Variants in ASPA observed in about 807,000 individuals in gnomAD.
ASPA encodes ACY-2.
A neutral mutation model predicts 29.6 loss-of-function variants in ASPA; 25 were observed. The observed-to-expected ratio is 0.85, with a 90% CI of 0.62 to 1.18. The LOEUF (loss-of-function observed/expected upper bound fraction) is 1.18. ASPA is among the 50% of genes most tolerant of loss of function. ASPA has a pLI of 0.00. For synonymous variants in ASPA, 131 were observed against 130.3 expected (o/e 1.01, Z -0.04); for missense variants, 333 against 385.7 (o/e 0.86, Z 1.14).
intron 5 of ASPA, among the ~76,000 whole-genome samples, chr17:3,496,869 A>G (rs943781789): frequency 1.3e-5 from 2 of 152,160 alleles, no homozygotes; most frequent in African/African-American, 4.8e-5. Context: ...GATCGAGACC[A>G]TCCTGGCTAA....
chr17:3,489,808 C>T (rs2073792000), intron 4 of ASPA, among the ~76,000 whole-genome samples: 1 of 152,302 alleles, frequency 6.6e-6, no homozygotes, highest in Admixed American at 6.5e-5. Context: ...GATAATCTTA[C>T]AGCATCCACT....
chr17:3,495,761 G>T (rs1236294583), intron 5 of ASPA, among the ~76,000 whole-genome samples: 2 of 152,060 alleles, frequency 1.3e-5, no homozygotes, highest in Non-Finnish European at 2.9e-5. Context: ...TGGAGATGGG[G>T]TTTCACCATG....
At chr17:3,482,492 G>C (rs2150747532) in intron 2 of ASPA, among the ~76,000 whole-genome samples, 1 of 152,254 alleles carries the variant, frequency 6.6e-6, no homozygotes. Context: ...TGATTGAGAG[G>C]AAAGAGTGTG....
At chr17:3,482,258 T>G (rs939342243) in intron 2 of ASPA, among the ~76,000 whole-genome samples, 4 of 152,210 alleles carry the variant, frequency 2.6e-5, no homozygotes, top group Admixed American at 1.3e-4. Context: ...TAACGTAGAC[T>G]AAAGCCCAGT....
rs2150767303 is a variant in ASPA, at chr17:3,502,456, T to C, written c.*3368T>C. 1 of 152,342 alleles carries C rather than the reference T, an allele frequency of 6.6e-6. No individual in the cohort carries two copies. Among genetic ancestry groups the C allele is most frequent in the African/African-American group, 2.4e-5 (1 of 41,582 alleles). The allele number at this position is 152,342 out of a possible 1,614,324, so 9.4% of individuals were successfully genotyped here. A position where few individuals can be genotyped will look rare whatever the true frequency, so the allele number is the denominator to read the frequency against. ...AATGAGTTGTGCAGAATTGCTATTT[T>C]TTTCAATTTTTATATTTGGGTTAAT... On this transcript the variant is annotated 3_prime_UTR_variant, in exon 6 of 6. Coordinates refer to ENST00000263080, the MANE Select transcript of ASPA (RefSeq NM_000049.4).
At chr17:3,482,227 G>A (rs953053269) in intron 2 of ASPA, among the ~76,000 whole-genome samples, 2 of 152,062 alleles carry the variant, frequency 1.3e-5, no homozygotes, top group African/African-American at 2.4e-5. Flanking sequence ...AAGGTTTTAG[G>A]AAACTTAAGA....
rs1555541510 is a variant in ASPA, at chr17:3,500,500, C to CTTGT, written c.*1415_*1418dup. On this transcript the variant is annotated 3_prime_UTR_variant, in exon 6 of 6. Transcript: ENST00000263080. ...TAACTGTTTCAAAAATCCTAAAACTCTTGTTTTTTGTTTTTTTTTTGAGAC... is the reference window on the plus strand; with the variant it reads ...TAACTGTTTCAAAAATCCTAAAACTCTTGTTTGTTTTTTGTTTTTTTTTTGAGAC... The CTTGT allele has an allele frequency of 1.6e-4, 3 of 18,428 alleles. No individual in the cohort carries two copies. Among genetic ancestry groups the CTTGT allele is most frequent in the Non-Finnish European group, 7.9e-4 (3 of 3,810 alleles). 1.1% of individuals were successfully genotyped at this position (18,428 alleles called of 1,614,324 possible). A position where few individuals can be genotyped will look rare whatever the true frequency, so the allele number is the denominator to read the frequency against.
chr17:3,479,633 C>A (rs1212094880), intron 1 of ASPA, among the ~76,000 whole-genome samples: 2 of 152,028 alleles, frequency 1.3e-5, no homozygotes, highest in Non-Finnish European at 2.9e-5. Flanking sequence ...TTCCACCTTC[C>A]CCCTGCACCG....
At chr17:3,477,626 G>C (rs1367724979) in intron 1 of ASPA, among the ~76,000 whole-genome samples, 1 of 151,908 alleles carries the variant, frequency 6.6e-6, no homozygotes, top group Non-Finnish European at 1.5e-5. Flanking sequence ...GTAATTTTTT[G>C]TATTTTTAGT....
chr17:3,478,208 T>A (rs576065737), intron 1 of ASPA, among the ~76,000 whole-genome samples: 2 of 151,996 alleles, frequency 1.3e-5, no homozygotes, highest in African/African-American at 4.8e-5. Flanking sequence ...TATATATATA[T>A]AAGATATGCA....
intron 4 of ASPA, among the ~76,000 whole-genome samples, chr17:3,493,560 C>CACA (rs2073860298): frequency 1.8e-5 from 1 of 56,370 alleles, no homozygotes; most frequent in African/African-American, 7.4e-5. Context: ...GGTTCCATCT[C>CACA]AAAAAAAAAA....
At chr17:3,475,006 A>C (rs2073500359), upstream of ASPA, among the ~76,000 whole-genome samples, 1 of 152,210 alleles carries the variant, frequency 6.6e-6, no homozygotes, top group Non-Finnish European at 1.5e-5. Flanking sequence ...TATCGTATAA[A>C]ATTAATGTAT....
At chr17:3,483,716 C>A in intron 3 of ASPA, 124 bp downstream of exon 3, 1 of 921,190 alleles carries the variant, frequency 1.1e-6, no homozygotes, top group Non-Finnish European at 1.7e-6. Context: ...AGGCTGGAGT[C>A]CGATGGTGTG....
upstream of ASPA, chr17:3,474,213 CAAAAAAGTTATTCAT>C (rs2073488744): frequency 6.6e-6 from 1 of 152,130 alleles, no homozygotes; most frequent in Non-Finnish European, 1.5e-5. Context: ...CATTAACTCT[CAAAAAAGTTATTCAT>C]TTTGACATGT....
At position 3,488,698 on chromosome 17, in the gene ASPA, TA is replaced by T. The variant is rs2073770157; in HGVS notation, c.527-536del. On this transcript the variant is annotated intron_variant, in intron 3 of 5. Coordinates refer to ENST00000263080, the MANE Select transcript of ASPA (RefSeq NM_000049.4). The surrounding 1 kb of genome is among the most constrained non-coding windows in gnomAD (Gnocchi z 6.1). ...AAATAAAACCATTGCACTATTGTGT[TA>T]GGATGGATTGCTAGGTTAAGGGCAA... 1.3e-5 allele frequency among the ~76,000 whole-genome samples: 2 copies of T among 152,100 alleles called. No individual in the cohort carries two copies. Among genetic ancestry groups the T allele is most frequent in the Non-Finnish European group, 2.9e-5 (2 of 68,012 alleles).
chr17:3,483,726 G>A, intron 3 of ASPA, 134 bp downstream of exon 3: 1 of 823,706 alleles, frequency 1.2e-6, no homozygotes, highest in East Asian at 2.8e-5. Context: ...CCGATGGTGT[G>A]ATCTCAGCTC....
At position 3,500,955 on chromosome 17, in the gene ASPA, A is replaced by T. The variant is rs2073982821; in HGVS notation, c.*1867A>T. On this transcript the variant is annotated 3_prime_UTR_variant, in exon 6 of 6. Coordinates refer to ENST00000263080, the MANE Select transcript of ASPA (RefSeq NM_000049.4). ...TGTTGAGACCTACTGCTTGGGAAAA[A>T]AAAAAATTCCTTTCAAAATACTACT... 1 of 152,112 alleles carries T rather than the reference A, an allele frequency of 6.6e-6. No individual in the cohort carries two copies. Among genetic ancestry groups the T allele is most frequent in the Non-Finnish European group, 1.5e-5 (1 of 68,030 alleles). 9.4% of individuals were successfully genotyped at this position (152,112 alleles called of 1,614,324 possible).
intron 5 of ASPA, among the ~76,000 whole-genome samples, chr17:3,497,064 A>C (rs1294151590): frequency 1.3e-5 from 2 of 152,152 alleles, no homozygotes; most frequent in Non-Finnish European, 2.9e-5. Context: ...ATTACGTCTA[A>C]AAAGAAAAAG....
intron 5 of ASPA, among the ~76,000 whole-genome samples, chr17:3,497,819 T>TTA (rs1200490458): frequency 6.6e-6 from 1 of 152,126 alleles, no homozygotes; most frequent in Non-Finnish European, 1.5e-5. Context: ...TGCTGGGAAA[T>TTA]GTTAGACATG....
Sources: allele counts gnomAD v4.1 joint callset (sites outside exome capture counted in the v4.1 genomes callset), GRCh38; gene constraint gnomAD v4.1.1; non-coding constraint Gnocchi (gnomAD v3.1); transcripts MANE v1.5; gene names NCBI Gene and HGNC (gene_info 2026-07-23, HGNC 2026-07-21).